CCDC144A: variants seen among roughly 807,000 people sequenced by gnomAD.
CCDC144A encodes the protein coiled-coil domain containing 144A, also known as coiled-coil domain-containing protein 144A.
Under a neutral mutation model 143.8 loss-of-function variants are expected in CCDC144A, and 41 were observed. The ratio of observed to expected loss-of-function variants is 0.29; its 90% CI spans 0.22 to 0.37. CCDC144A has a LOEUF of 0.37. Ranked by LOEUF, CCDC144A falls within the 10% of genes least tolerant of loss-of-function variation. The pLI is 1.00. For missense variants in CCDC144A, 637 were observed against 1,488.8 expected, an observed-to-expected ratio of 0.43 and a Z score of 9.41; for synonymous variants, 242 against 517.9, an observed-to-expected ratio of 0.47 and a Z score of 7.23.
chr17:16,702,045 A>G (rs572734011), intron 2 of CCDC144A, among the ~76,000 whole-genome samples: 7 of 152,168 alleles, frequency 4.6e-5, no homozygotes, highest in Non-Finnish European at 8.8e-5. Flanking sequence ...AACAGTCTAT[A>G]TTATTATAAT....
At chr17:16,704,659 C>T (rs1383842975) in intron 2 of CCDC144A, among the ~76,000 whole-genome samples, 4 of 151,386 alleles carry the variant, frequency 2.6e-5, no homozygotes, top group Non-Finnish European at 4.4e-5. Context: ...TGAAGTTTAT[C>T]CAAGTATTTG....
chr17:16,706,026 T>G (rs183752480), intron 3 of CCDC144A: 10 of 153,330 alleles, frequency 6.5e-5, no homozygotes, highest in Admixed American at 6.4e-4. Flanking sequence ...GAGGTTGCAG[T>G]GAGCCGAGAT....
chr17:16,743,075 A>T (rs1914333350), intron 12 of CCDC144A, among the ~76,000 whole-genome samples: 2 of 152,174 alleles, frequency 1.3e-5, no homozygotes, highest in Non-Finnish European at 2.9e-5. Flanking sequence ...CCTAATTTTA[A>T]TATAGCTTTA....
At chr17:16,755,800 A>G (rs867669548) in intron 12 of CCDC144A, among the ~76,000 whole-genome samples, 1 of 152,220 alleles carries the variant, frequency 6.6e-6, no homozygotes, top group Non-Finnish European at 1.5e-5. Flanking sequence ...AGCTCAAGCA[A>G]TCCCCCCACC....
At chr17:16,683,967 C>A in the CCDC144A span, 7,195 of 1,136,342 alleles carry the variant, frequency 6.3e-3, 328 homozygotes, top group African/African-American at 0.098. Context: ...TATCCTTTAA[C>A]TGTAGGCATT....
chr17:16,732,675 T>C lies in CCDC144A; in HGVS notation c.2418+9T>C. On this transcript the variant is annotated intron_variant, in intron 11 of 16. Coordinates refer to ENST00000399273, the MANE Select transcript of CCDC144A (RefSeq NM_001382000.1). Reference sequence around the variant, plus strand: ...AGAAAATGAATTCTGAGGTATTTTCTTTAGTCATTTTCAAATATATTTTTG... The same window carrying C: ...AGAAAATGAATTCTGAGGTATTTTCCTTAGTCATTTTCAAATATATTTTTG... 1 of 1,584,238 alleles carries C rather than the reference T, an allele frequency of 6.3e-7. No individual in the cohort carries two copies. Among genetic ancestry groups the C allele is most frequent in the Middle Eastern group, 1.7e-4 (1 of 5,940 alleles).
chr17:16,707,625 A>T, intron 4 of CCDC144A, 83 bp downstream of exon 4: 1 of 790,170 alleles, frequency 1.3e-6, no homozygotes, highest in Non-Finnish European at 2.0e-6. Context: ...AGCCCAAATG[A>T]AATTACCTCT....
Position 16,774,778 on chromosome 17 carries a change from T to G in CCDC144A, c.*1145T>G, listed in dbSNP as rs1332527846. On this transcript the variant is annotated 3_prime_UTR_variant, in exon 17 of 17. Coordinates refer to ENST00000399273, the MANE Select transcript of CCDC144A (RefSeq NM_001382000.1). ...CATAGGTAAATATGTGCCATGGTGG[T>G]TTGCTGCACAGATCATCCCATCACC... The G allele has an allele frequency of 6.7e-6, 1 of 148,738 alleles. No homozygotes were observed. The highest frequency in any genetic ancestry group is 2.6e-5 in the African/African-American group (1 of 38,732). The allele number at this position is 148,738 out of a possible 1,614,324, so 9.2% of individuals were successfully genotyped here.
At chr17:16,714,620 T>C (rs1375394597) in intron 6 of CCDC144A, among the ~76,000 whole-genome samples, 1 of 152,070 alleles carries the variant, frequency 6.6e-6, no homozygotes, top group African/African-American at 2.4e-5. Context: ...TCTAGATGCA[T>C]GTAATAGACT....
chr17:16,677,329 CAA>C, the CCDC144A span, among the ~76,000 whole-genome samples: 1 of 152,240 alleles, frequency 6.6e-6, no homozygotes, highest in East Asian at 1.9e-4. Context: ...CCAGCTGAAT[CAA>C]GAGCTGCAAT....
At chr17:16,768,039 C>T (rs1915680931) in intron 15 of CCDC144A, among the ~76,000 whole-genome samples, 1 of 152,276 alleles carries the variant, frequency 6.6e-6, no homozygotes, top group Admixed American at 6.5e-5. Context: ...TTTTCCAGAG[C>T]TTATATACCT....
intron 1 of CCDC144A, among the ~76,000 whole-genome samples, chr17:16,691,620 C>A (rs1911082873): frequency 1.3e-5 from 2 of 151,830 alleles, no homozygotes; most frequent in Non-Finnish European, 2.9e-5. Flanking sequence ...AAAAAAATAG[C>A]CGGGCGTGGT....
chr17:16,769,155 C>T (rs73277139), intron 15 of CCDC144A, among the ~76,000 whole-genome samples: 21,590 of 145,728 alleles, frequency 0.15, 2,107 homozygotes, highest in African/African-American at 0.33. Context: ...ATGCTGCTTA[C>T]TGCAGAGATG....
In CCDC144A at chr17:16,735,112, G is replaced by A; in HGVS notation, c.2841G>A (p.Trp947Ter). The A allele has an allele frequency of 1.3e-6, 2 of 1,551,528 alleles. No homozygotes were observed. The highest frequency in any genetic ancestry group is 1.7e-6 in the Non-Finnish European group (2 of 1,145,766). ...KLDFQRTRQE[W>*]VRLHDKMKVD... ...ATTTCCAGAGAACAAGACAAGAGTG[G>A]GTTCGTTTACATGACAAAATGAAGG... Residue 947 changes from tryptophan to a stop codon, truncating the protein, a stop_gained, in exon 12 of 17, where the codon TGG becomes TGA. Transcript: ENST00000399273. LOFTEE classifies it high-confidence loss of function.
At chr17:16,699,471 G>A (rs1911600084) in intron 2 of CCDC144A, among the ~76,000 whole-genome samples, 2 of 117,058 alleles carry the variant, frequency 1.7e-5, no homozygotes, top group South Asian at 3.1e-4. Flanking sequence ...CGCCTCCCGG[G>A]TTCACACCAT....
At chr17:16,744,434 T>G (rs1052861687) in intron 12 of CCDC144A, among the ~76,000 whole-genome samples, 2 of 152,232 alleles carry the variant, frequency 1.3e-5, no homozygotes, top group Non-Finnish European at 2.9e-5. Flanking sequence ...CATTGTGGCT[T>G]TGATTTGCTT....
At chr17:16,668,760 A>G in the CCDC144A span, among the ~76,000 whole-genome samples, 10 of 152,326 alleles carry the variant, frequency 6.6e-5, no homozygotes, top group East Asian at 1.2e-3. Context: ...GCTTTCAACA[A>G]GAGACATTTA....
At chr17:16,739,752 T>C (rs143643882) in intron 12 of CCDC144A, among the ~76,000 whole-genome samples, 134 of 152,314 alleles carry the variant, frequency 8.8e-4, no homozygotes, top group African/African-American at 3.1e-3. Flanking sequence ...TCAGTTATAA[T>C]ATATTGAGCT....
intron 9 of CCDC144A, among the ~76,000 whole-genome samples, chr17:16,731,006 T>C (rs1159712394): frequency 1.3e-5 from 2 of 150,168 alleles, no homozygotes; most frequent in East Asian, 3.9e-4. Flanking sequence ...AGTTTTATTC[T>C]AAATATGCAC....
Sources: allele counts gnomAD v4.1 joint callset (sites outside exome capture counted in the v4.1 genomes callset), GRCh38; gene constraint gnomAD v4.1.1; transcripts MANE v1.5; gene names NCBI Gene and HGNC (gene_info 2026-07-23, HGNC 2026-07-21).